Variants in RORA observed in about 807,000 individuals in gnomAD.
RORA encodes the protein nuclear receptor ROR-alpha.
In RORA, 7 loss-of-function variants were observed where a neutral mutation model predicts 69.5. The ratio of observed to expected loss-of-function variants is 0.10; its 90% CI spans 0.06 to 0.19. The LOEUF is 0.19. Among genes scored for constraint, RORA ranks in the 10% least tolerant of loss-of-function variants. The probability of loss-of-function intolerance (pLI) is 1.00; values close to 1 mark genes in which losing one functional copy is unlikely to be tolerated. For missense variants in RORA, 457 were observed against 663.0 expected (o/e 0.69, Z 3.41); for synonymous variants, 261 against 240.8 (o/e 1.08, Z -0.78).
At chr15:60,755,228 T>C (rs2071781868) in intron 1 of RORA, among the ~76,000 whole-genome samples, 1 of 146,468 alleles carries the variant, frequency 6.8e-6, no homozygotes, top group South Asian at 2.2e-4. Flanking sequence ...AATAAGAACA[T>C]GTGGTGTTTG....
chr15:60,926,803 A>G (rs924292015), intron 1 of RORA, among the ~76,000 whole-genome samples: 3 of 152,250 alleles, frequency 2.0e-5, no homozygotes, highest in African/African-American at 7.2e-5. Context: ...AGATGTCCAC[A>G]AGCTACTATA....
At position 60,634,394 on chromosome 15, in the gene RORA, T is replaced by C. The variant is rs962906090; in HGVS notation, c.196+44263A>G. Among the ~76,000 whole-genome samples, 3 of 132,218 alleles carry C rather than the reference T, an allele frequency of 2.3e-5. No individual in the cohort carries two copies. The Admixed American group carries it at 2.4e-4, about 10-fold the overall frequency. The allele number at this position is 132,218 out of a possible 152,430, so 86.7% of individuals were successfully genotyped here. A position where few individuals can be genotyped will look rare whatever the true frequency, so the allele number is the denominator to read the frequency against. ...TTTGTCTTTCTGAGAGAAGCAGTGC[T>C]ACCACTTTTTTTTTTTTTTTCTTTT... On this transcript the variant is annotated intron_variant, in intron 2 of 10. Transcript: ENST00000335670.
intron 2 of RORA, among the ~76,000 whole-genome samples, chr15:60,547,162 C>A (rs1172459319): frequency 6.6e-6 from 1 of 152,122 alleles, no homozygotes; most frequent in Non-Finnish European, 1.5e-5. Flanking sequence ...ATATTTTCTT[C>A]CAACAAATTC....
At chr15:60,804,187 C>A (rs1346190147) in intron 1 of RORA, among the ~76,000 whole-genome samples, 1 of 144,828 alleles carries the variant, frequency 6.9e-6, no homozygotes, top group Non-Finnish European at 1.5e-5. Flanking sequence ...ACTTGGGAGG[C>A]GGAGGCAGGA....
chr15:60,586,611 T>C (rs2140502510), intron 2 of RORA, among the ~76,000 whole-genome samples: 1 of 152,306 alleles, frequency 6.6e-6, no homozygotes, highest in South Asian at 2.1e-4. Context: ...GAGAGAGTTA[T>C]GCTTGATATA....
intron 1 of RORA, among the ~76,000 whole-genome samples, chr15:61,225,413 G>A (rs949441335): frequency 4.6e-5 from 7 of 152,166 alleles, no homozygotes; most frequent in Non-Finnish European, 7.4e-5. Context: ...CAAAACTGAA[G>A]GGGGCAAGAG....
At chr15:60,940,291 A>G (rs1283103771) in intron 1 of RORA, among the ~76,000 whole-genome samples, 1 of 152,232 alleles carries the variant, frequency 6.6e-6, no homozygotes, top group Non-Finnish European at 1.5e-5. Flanking sequence ...TAAGGAATAA[A>G]CAAACTGTAC....
chr15:60,945,107 C>T (rs953986533), intron 1 of RORA, among the ~76,000 whole-genome samples: 2 of 152,160 alleles, frequency 1.3e-5, no homozygotes, highest in African/African-American at 4.8e-5. Context: ...ATATACCCAG[C>T]AAATCCAGCA....
At chr15:60,525,761 G>C (rs995912467) in intron 3 of RORA, among the ~76,000 whole-genome samples, 1 of 152,190 alleles carries the variant, frequency 6.6e-6, no homozygotes, top group African/African-American at 2.4e-5. Context: ...CTGAGACTAA[G>C]AAAAGTAGAG....
chr15:60,602,270 C>A (rs556188236), intron 2 of RORA, among the ~76,000 whole-genome samples: 1 of 152,254 alleles, frequency 6.6e-6, no homozygotes, highest in Admixed American at 6.5e-5. Flanking sequence ...TCCAAGGACA[C>A]GAACAGTTAA....
At chr15:60,942,932 GA>G (rs1892744978) in intron 1 of RORA, among the ~76,000 whole-genome samples, 3 of 152,212 alleles carry the variant, frequency 2.0e-5, no homozygotes, top group Admixed American at 1.3e-4. Flanking sequence ...TGTTAGAGTT[GA>G]AATTGCAGCT....
chr15:61,091,411 C>T (rs1393605032), intron 1 of RORA, among the ~76,000 whole-genome samples: 2 of 152,182 alleles, frequency 1.3e-5, no homozygotes, highest in African/African-American at 4.8e-5. Flanking sequence ...TCCGTAAGCG[C>T]TGCTGTACTC....
At chr15:60,556,738 C>A (rs2067372571) in intron 2 of RORA, 2 of 775,390 alleles carry the variant, frequency 2.6e-6, no homozygotes, top group South Asian at 3.4e-5. Flanking sequence ...TCCCCTTTCT[C>A]TTCATCATTT....
At chr15:61,094,188 A>C (rs966095244) in intron 1 of RORA, among the ~76,000 whole-genome samples, 2 of 152,216 alleles carry the variant, frequency 1.3e-5, no homozygotes, top group African/African-American at 4.8e-5. Flanking sequence ...CCTTTATGTG[A>C]GTGAACAAAA....
chr15:60,503,492 C>T, intron 7 of RORA, 43 bp downstream of exon 7: 1 of 1,600,964 alleles, frequency 6.2e-7, no homozygotes, highest in Non-Finnish European at 8.5e-7. Flanking sequence ...CGGGTGAAAG[C>T]AGGTTAGGAA....
At chr15:60,802,125 A>C (rs1012219186) in intron 1 of RORA, among the ~76,000 whole-genome samples, 11 of 152,190 alleles carry the variant, frequency 7.2e-5, no homozygotes, top group African/African-American at 2.7e-4. Context: ...ACTGTTAAGT[A>C]GGGAAGATTT....
chr15:61,221,673 T>C (rs539002368), intron 1 of RORA, among the ~76,000 whole-genome samples: 1 of 152,304 alleles, frequency 6.6e-6, no homozygotes, highest in Admixed American at 6.5e-5. Context: ...TCATATTTCA[T>C]AAACTTCATC....
chr15:60,823,241 G>A (rs1180859855), intron 1 of RORA, among the ~76,000 whole-genome samples: 3 of 151,652 alleles, frequency 2.0e-5, no homozygotes, highest in Non-Finnish European at 4.4e-5. Context: ...CAAGGCTGGA[G>A]TGCAATGGTG....
intron 1 of RORA, among the ~76,000 whole-genome samples, chr15:60,880,159 G>A (rs1030203616): frequency 2.8e-4 from 42 of 152,220 alleles, no homozygotes; most frequent in Admixed American, 1.2e-3. Context: ...TTGGTTTCCA[G>A]GAACATTTAA....
Sources: gnomAD v4.1 joint callset for allele counts (sites outside exome capture counted in the v4.1 genomes callset) on GRCh38, gnomAD v4.1.1 for gene constraint, MANE v1.5 for transcripts, NCBI Gene and HGNC (gene_info 2026-07-23, HGNC 2026-07-21) for gene names.